The following KCNH7 variants were observed in gnomAD, a reference collection of about 807,000 sequenced individuals.
KCNH7 encodes voltage-gated inwardly rectifying potassium channel KCNH7.
KCNH7 carries 49 observed loss-of-function variants against 120.8 expected under a neutral mutation model. The observed-to-expected ratio is 0.41, with a 90% CI of 0.32 to 0.51. The LOEUF is 0.51. KCNH7 is among the 20% of genes least tolerant of loss of function. The probability of loss-of-function intolerance (pLI) is 0.38; values close to 1 mark genes in which losing one functional copy is unlikely to be tolerated. For missense variants in KCNH7, 1,097 were observed against 1,446.6 expected (o/e 0.76, Z 3.92); for synonymous variants, 547 against 516.1 (o/e 1.06, Z -0.81).
intron 3 of KCNH7, among the ~76,000 whole-genome samples, chr2:162,520,174 T>C (rs2105790189): frequency 6.8e-6 from 1 of 147,990 alleles, no homozygotes; most frequent in South Asian, 2.2e-4. Context: ...TTTTTTTTTT[T>C]TTTTTAGTGA....
chr2:162,507,630 A>G (rs1350446862), intron 5 of KCNH7, among the ~76,000 whole-genome samples: 1 of 151,598 alleles, frequency 6.6e-6, no homozygotes, highest in Admixed American at 6.6e-5. Context: ...ATGTCCTGAC[A>G]TCTAGTGGGA....
chr2:162,661,094 T>C (rs960649300), intron 2 of KCNH7, among the ~76,000 whole-genome samples: 1 of 152,250 alleles, frequency 6.6e-6, no homozygotes, highest in Non-Finnish European at 1.5e-5. Flanking sequence ...TTTTGAAGAA[T>C]GATACATTCC....
At chr2:162,448,717 T>C (rs1184825502) in intron 6 of KCNH7, among the ~76,000 whole-genome samples, 1 of 152,056 alleles carries the variant, frequency 6.6e-6, no homozygotes. Context: ...GCTGAAACTC[T>C]TTCCATCCCA....
chr2:162,578,927 A>T (rs928988286), intron 2 of KCNH7, among the ~76,000 whole-genome samples: 1 of 148,556 alleles, frequency 6.7e-6, no homozygotes, highest in Non-Finnish European at 1.5e-5. Flanking sequence ...CAGATTTATG[A>T]GTTTTTTTTT....
At chr2:162,832,108 T>A (rs1685500329) in intron 2 of KCNH7, among the ~76,000 whole-genome samples, 1 of 152,168 alleles carries the variant, frequency 6.6e-6, no homozygotes, top group Admixed American at 6.6e-5. Flanking sequence ...GGATTACTGT[T>A]GTTGCAATAG....
intron 8 of KCNH7, among the ~76,000 whole-genome samples, chr2:162,425,540 C>G (rs1687830772): frequency 1.3e-5 from 2 of 152,102 alleles, no homozygotes; most frequent in African/African-American, 4.8e-5. Context: ...CAAGGAGATT[C>G]ATGTGAAAAA....
chr2:162,406,699 C>G lies in KCNH7; in HGVS notation c.2155-6258G>C, dbSNP rs562576389. Among the ~76,000 whole-genome samples the G allele has an allele frequency of 3.4e-4, 52 of 152,008 alleles. 1 individual carries two copies. In the South Asian group the frequency reaches 3.7e-3, roughly 11 times the overall value. ...AGCATACAGCTTTAATATTTTATAG[C>G]CTTTCCTGATTCTGGTAAAATTATT... On this transcript the variant is annotated intron_variant, in intron 9 of 15. Coordinates refer to ENST00000332142, the MANE Select transcript of KCNH7 (RefSeq NM_033272.4).
At chr2:162,512,533 C>A in intron 5 of KCNH7, 121 bp downstream of exon 5, 1 of 766,342 alleles carries the variant, frequency 1.3e-6, no homozygotes, top group Non-Finnish European at 2.1e-6. Context: ...ACCAGGCACC[C>A]CAAATAGCTA....
At chr2:162,400,108 G>A in intron 10 of KCNH7, 81 bp downstream of exon 10, 1 of 1,447,590 alleles carries the variant, frequency 6.9e-7, no homozygotes, top group Non-Finnish European at 9.5e-7. Flanking sequence ...ACATACATCA[G>A]TCTTTTTTTC....
chr2:162,435,683 T>G, intron 7 of KCNH7, 86 bp from the exon 8 acceptor site: 10 of 1,345,912 alleles, frequency 7.4e-6, no homozygotes, highest in Non-Finnish European at 1.0e-5. Context: ...AAAAACAGGT[T>G]AAGACAATAG....
At chr2:162,663,754 C>G (rs957035421) in intron 2 of KCNH7, among the ~76,000 whole-genome samples, 10 of 152,064 alleles carry the variant, frequency 6.6e-5, no homozygotes, top group Non-Finnish European at 1.5e-4. Context: ...GATGAAATGG[C>G]TTGGATGTCT....
chr2:162,678,142 T>C (rs1021460302), intron 2 of KCNH7, among the ~76,000 whole-genome samples: 2 of 151,476 alleles, frequency 1.3e-5, no homozygotes, highest in African/African-American at 4.8e-5. Flanking sequence ...TGTGCGTATG[T>C]ATGAAATATT....
At chr2:162,828,538 A>G (rs925463763) in intron 2 of KCNH7, among the ~76,000 whole-genome samples, 1 of 152,298 alleles carries the variant, frequency 6.6e-6, no homozygotes, top group African/African-American at 2.4e-5. Context: ...TTAATGTCCT[A>G]TCAAAATTAA....
rs1358564761 is a variant in KCNH7 at position 162,469,176 on chromosome 2, G to GTACATTTGAAAA, written c.1129-22734_1129-22733insTTTTCAAATGTA. The stretch of plus-strand genomic sequence containing the variant: ...TGTTATAGTACATTTGAAAAGTTAA[G>GTACATTTGAAAA]GTGGTATGTAATAGCTAAATACTGT... On this transcript the variant is annotated intron_variant, in intron 6 of 15. Transcript: ENST00000332142. Among the ~76,000 whole-genome samples the GTACATTTGAAAA allele has an allele frequency of 8.1e-3, 1,240 of 152,216 alleles. 18 individuals are homozygous for GTACATTTGAAAA. The highest frequency in any genetic ancestry group is 0.028 in the African/African-American group (1,182 of 41,534).
At chr2:162,439,962 C>A (rs1161864769) in intron 7 of KCNH7, among the ~76,000 whole-genome samples, 28 of 151,584 alleles carry the variant, frequency 1.8e-4, no homozygotes, top group Admixed American at 1.8e-3. Context: ...TCTCTTCATG[C>A]CAGTGGAATT....
intron 2 of KCNH7, among the ~76,000 whole-genome samples, chr2:162,781,249 A>C (rs1208492134): frequency 2.0e-5 from 3 of 152,044 alleles, no homozygotes; most frequent in Non-Finnish European, 4.4e-5. Flanking sequence ...TCTCATCCCC[A>C]TAAAAGCCTC....
At chr2:162,548,372 G>C (rs536828871) in intron 2 of KCNH7, among the ~76,000 whole-genome samples, 52 of 152,274 alleles carry the variant, frequency 3.4e-4, no homozygotes, top group African/African-American at 1.2e-3. Context: ...TCTTGCCCCA[G>C]GTGTGTTCTT....
chr2:162,608,579 C>T (rs1682858972), intron 2 of KCNH7, among the ~76,000 whole-genome samples: 2 of 152,196 alleles, frequency 1.3e-5, no homozygotes, highest in Middle Eastern at 3.4e-3. Context: ...CAAATTTTGT[C>T]CAGTGAATCT....
At chr2:162,387,795 C>G (rs970150571) in intron 12 of KCNH7, among the ~76,000 whole-genome samples, 2 of 151,692 alleles carry the variant, frequency 1.3e-5, no homozygotes, top group Admixed American at 6.6e-5. Context: ...CCTAATGGAA[C>G]GACTGACCCA....
Sources: allele counts gnomAD v4.1 joint callset (sites outside exome capture counted in the v4.1 genomes callset), GRCh38; gene constraint gnomAD v4.1.1; transcripts MANE v1.5; gene names NCBI Gene and HGNC (gene_info 2026-07-23, HGNC 2026-07-21).